Variants in OLAH observed in about 807,000 individuals in gnomAD.
OLAH encodes the protein oleoyl-ACP hydrolase.
OLAH carries 33 observed loss-of-function variants against 27.8 expected under a neutral mutation model. That is an observed-to-expected ratio of 1.19 (90% CI 0.90 to 1.59). The LOEUF (loss-of-function observed/expected upper bound fraction) is 1.59. OLAH is among the 40% of genes most tolerant of loss of function. The probability of loss-of-function intolerance (pLI) is 0.00; values close to 1 mark genes in which losing one functional copy is unlikely to be tolerated. For synonymous variants in OLAH, 120 were observed against 102.9 expected (o/e 1.17, Z -1.01); for missense variants, 359 against 310.8 (o/e 1.16, Z -1.17).
At chr10:15,060,876 C>T (rs1286345123) in intron 3 of OLAH, among the ~76,000 whole-genome samples, 1 of 152,062 alleles carries the variant, frequency 6.6e-6, no homozygotes, top group Non-Finnish European at 1.5e-5. Context: ...TGTTGTATTC[C>T]TGTACAGTGT....
At chr10:15,044,554 G>A (rs1843979663) in intron 1 of OLAH, among the ~76,000 whole-genome samples, 1 of 151,120 alleles carries the variant, frequency 6.6e-6, no homozygotes. Context: ...ATTCCTCCTT[G>A]CATCTCCTAT....
chr10:15,052,216 G>C (rs1427919451), intron 3 of OLAH, among the ~76,000 whole-genome samples: 2 of 152,154 alleles, frequency 1.3e-5, no homozygotes, highest in Non-Finnish European at 2.9e-5. Flanking sequence ...CTGGGAGGCG[G>C]AGATTGCTGC....
intron 2 of OLAH, among the ~76,000 whole-genome samples, chr10:15,048,611 C>A (rs1057325326): frequency 5.3e-5 from 8 of 152,154 alleles, no homozygotes; most frequent in African/African-American, 1.9e-4. Flanking sequence ...TGAAAAGTGG[C>A]TCTGGAGATC....
At chr10:15,047,434 C>A in intron 2 of OLAH, 114 bp downstream of exon 2, 1 of 1,034,046 alleles carries the variant, frequency 9.7e-7, no homozygotes, top group Non-Finnish European at 1.5e-6. Flanking sequence ...GGTGCTCACA[C>A]TTGTAATCCC....
In OLAH at chr10:15,073,370, A is replaced by T. The variant is rs1220174075; in HGVS notation, c.*141A>T. The T allele has an allele frequency of 3.1e-6, 2 of 636,834 alleles. No individual in the cohort carries two copies. The highest frequency in any genetic ancestry group is 5.9e-5 in the East Asian group (2 of 34,140). The allele number at this position is 636,834 out of a possible 1,614,324, so 39.4% of individuals were successfully genotyped here. A position where few individuals can be genotyped will look rare whatever the true frequency, so the allele number is the denominator to read the frequency against. The stretch of plus-strand genomic sequence containing the variant: ...ATTCGTTACATAAATATATTTACGT[A>T]TCTGGGGACAAAGGTCAAGCCAGTA... On this transcript the variant is annotated 3_prime_UTR_variant, in exon 8 of 8. Coordinates refer to ENST00000378228, the MANE Select transcript of OLAH (RefSeq NM_001039702.3).
chr10:15,059,623 T>A (rs939628965), intron 3 of OLAH, among the ~76,000 whole-genome samples: 1 of 152,074 alleles, frequency 6.6e-6, no homozygotes, highest in Non-Finnish European at 1.5e-5. Flanking sequence ...CTGGCCAACA[T>A]GGTGAAACCC....
At chr10:15,051,078 A>ATTTTTTTT (rs35201278) in intron 3 of OLAH, among the ~76,000 whole-genome samples, 2 of 134,840 alleles carry the variant, frequency 1.5e-5, no homozygotes, top group African/African-American at 2.9e-5. Flanking sequence ...TATTATTATT[A>ATTTTTTTT]TTTTTTTTTT....
Position 15,061,773 on chromosome 10 carries a change from T to C in OLAH, c.213T>C (p.Leu71=). The C allele has an allele frequency of 1.9e-6, 3 of 1,613,762 alleles. No homozygotes were observed. The highest frequency in any genetic ancestry group is 2.5e-6 in the Non-Finnish European group (3 of 1,179,860). The change falls in exon 4 of 8, where the codon CTT becomes CTC. Residue 71 remains leucine (L), a synonymous_variant. Coordinates refer to ENST00000378228, the MANE Select transcript of OLAH (RefSeq NM_001039702.3). ...GAGAAAGCAGAGTTGAAGAACCTCT[T>C]GAAAATGACATCTCCCAGTTAGTTG... ...PGRESRVEEP[L]ENDISQLVDE...
Position 15,059,970 on chromosome 10 carries a change from A to G in OLAH, c.164-1754A>G, listed in dbSNP as rs188736561. 2.6e-5 allele frequency among the ~76,000 whole-genome samples: 4 copies of G among 152,006 alleles called. No homozygotes were observed. The East Asian group carries it at 7.7e-4, about 29-fold the overall frequency. On this transcript the variant is annotated intron_variant, in intron 3 of 7. Coordinates refer to ENST00000378228, the MANE Select transcript of OLAH (RefSeq NM_001039702.3). ...TGTTTATTCTGTTTGAGTTTCCTTG[A>G]ACTTCTTGGATCTACGACTTTGTAA... is the stretch of plus-strand genomic sequence containing the variant.
intron 3 of OLAH, chr10:15,056,987 GT>G (rs1564530761): frequency 2.1e-6 from 3 of 1,408,412 alleles, no homozygotes; most frequent in East Asian, 5.8e-5. Flanking sequence ...TTTTTAGTAG[GT>G]TTTTTGTGTT....
At chr10:15,057,348 T>A (rs1319400819) in intron 3 of OLAH, among the ~76,000 whole-genome samples, 1 of 151,938 alleles carries the variant, frequency 6.6e-6, no homozygotes, top group Admixed American at 6.6e-5. Context: ...TAAGTGTCAG[T>A]TGAATTGTAA....
At chr10:15,038,241 T>A (rs1358364235) in intron 1 of OLAH, among the ~76,000 whole-genome samples, 1 of 152,220 alleles carries the variant, frequency 6.6e-6, no homozygotes, top group African/African-American at 2.4e-5. Context: ...CTTTTGATTT[T>A]ACAGGCTGAT....
chr10:15,034,800 C>CTTTT (rs1348025194), intron 1 of OLAH, among the ~76,000 whole-genome samples: 1 of 96,966 alleles, frequency 1.0e-5, no homozygotes, highest in Non-Finnish European at 2.1e-5. Context: ...TCTTTTCTTT[C>CTTTT]TTTCTTTTTT....
chr10:15,061,873 T>C lies in OLAH; in HGVS notation c.302+11T>C. Reference sequence around the variant, plus strand: ...ATTTTTTGGCCACAGGTATTTGATATCTGTTTTAAAAGACTTCAGGGGAGT... The same window carrying C: ...ATTTTTTGGCCACAGGTATTTGATACCTGTTTTAAAAGACTTCAGGGGAGT... On this transcript the variant is annotated intron_variant, in intron 4 of 7. Transcript: ENST00000378228. The C allele has an allele frequency of 1.9e-6, 3 of 1,611,162 alleles. No individual in the cohort carries two copies. The highest frequency in any genetic ancestry group is 1.1e-5 in the South Asian group (1 of 90,536).
chr10:15,041,647 C>A (rs1035038914), upstream of OLAH, among the ~76,000 whole-genome samples: 4 of 152,002 alleles, frequency 2.6e-5, no homozygotes, highest in Non-Finnish European at 5.9e-5. Context: ...TTGATCTCGG[C>A]TCACTGCAAA....
chr10:15,058,668 C>G (rs932082789), intron 3 of OLAH, among the ~76,000 whole-genome samples: 1 of 152,126 alleles, frequency 6.6e-6, no homozygotes, highest in African/African-American at 2.4e-5. Flanking sequence ...TATATATTTA[C>G]ATGATTACCT....
intron 3 of OLAH, among the ~76,000 whole-genome samples, chr10:15,060,031 T>C (rs1369439423): frequency 6.6e-6 from 1 of 152,204 alleles, no homozygotes; most frequent in Non-Finnish European, 1.5e-5. Context: ...ACTATTTTTT[T>C]TCAAATGTTT....
At chr10:15,050,189 A>G (rs1844107058) in intron 3 of OLAH, among the ~76,000 whole-genome samples, 1 of 152,228 alleles carries the variant, frequency 6.6e-6, no homozygotes, top group Non-Finnish European at 1.5e-5. Context: ...AGGCTGAGGC[A>G]GGAGGATTGC....
rs771370438 is a variant in OLAH at position 15,073,037 on chromosome 10, C to T, written c.656-50C>T. On this transcript the variant is annotated intron_variant, in intron 7 of 7. Coordinates refer to ENST00000378228, the MANE Select transcript of OLAH (RefSeq NM_001039702.3). The stretch of plus-strand genomic sequence containing the variant: ...AAAGAAATGATGTCTTGATGTGAAT[C>T]TTTAGTTGCTGTTGGTGTTGTTATT... 6 of 1,566,666 alleles carry T rather than the reference C, an allele frequency of 3.8e-6. No homozygotes were observed. In the Admixed American group the frequency reaches 5.3e-5, roughly 14 times the overall value.
Sources: gnomAD v4.1 joint callset for allele counts (sites outside exome capture counted in the v4.1 genomes callset) on GRCh38, gnomAD v4.1.1 for gene constraint, MANE v1.5 for transcripts, NCBI Gene and HGNC (gene_info 2026-07-23, HGNC 2026-07-21) for gene names.